LRRC69: variants seen among roughly 807,000 people sequenced by gnomAD.
LRRC69 encodes leucine-rich repeat-containing protein 69.
In LRRC69, 42 loss-of-function variants were observed where a neutral mutation model predicts 37.8. The ratio of observed to expected loss-of-function variants is 1.11; its 90% confidence interval spans 0.87 to 1.44. The LOEUF (loss-of-function observed/expected upper bound fraction) is 1.44, where lower values mean the gene tolerates loss of function less well. Among genes scored for constraint, LRRC69 ranks in the 40% most tolerant of loss-of-function variants. The probability of loss-of-function intolerance (pLI) is 0.00; values close to 1 mark genes in which losing one functional copy is unlikely to be tolerated. For synonymous variants in LRRC69, 141 were observed against 143.1 expected (o/e 0.99, Z 0.11); for missense variants, 357 against 401.9 (o/e 0.89, Z 0.96).
chr8:91,114,387 A>G (rs559270735), intron 1 of LRRC69, among the ~76,000 whole-genome samples: 1 of 152,130 alleles, frequency 6.6e-6, no homozygotes, highest in South Asian at 2.1e-4. Flanking sequence ...TAGCCAAGAT[A>G]TGGGAACAAC....
intron 6 of LRRC69, among the ~76,000 whole-genome samples, chr8:91,196,838 A>G (rs1809611108): frequency 6.6e-6 from 1 of 152,142 alleles, no homozygotes; most frequent in African/African-American, 2.4e-5. Flanking sequence ...GCCTTCTCTC[A>G]GCTTGTCAAA....
At chr8:91,146,700 A>G (rs546461853) in intron 5 of LRRC69, among the ~76,000 whole-genome samples, 2 of 151,842 alleles carry the variant, frequency 1.3e-5, no homozygotes, top group Non-Finnish European at 2.9e-5. Flanking sequence ...GTAGATATGG[A>G]TTTTACATAA....
chr8:91,139,137 T>C (rs1808478764), intron 5 of LRRC69: 1 of 151,950 alleles, frequency 6.6e-6, no homozygotes, highest in Admixed American at 6.6e-5. Context: ...CCTTACCTCT[T>C]TTTTCCTTTC....
At chr8:91,158,604 G>A in intron 5 of LRRC69, 1 of 1,416,098 alleles carries the variant, frequency 7.1e-7, no homozygotes, top group Non-Finnish European at 1.0e-6. Flanking sequence ...TGATGTCTTT[G>A]ACATTTTCCC....
intron 4 of LRRC69, among the ~76,000 whole-genome samples, chr8:91,135,041 C>G (rs1813885163): frequency 6.6e-6 from 1 of 151,984 alleles, no homozygotes; most frequent in Non-Finnish European, 1.5e-5. Context: ...TCGACAGCAA[C>G]GGAAGTAATG....
At chr8:91,189,007 T>C (rs1809448578) in intron 5 of LRRC69, among the ~76,000 whole-genome samples, 1 of 152,152 alleles carries the variant, frequency 6.6e-6, no homozygotes, top group South Asian at 2.1e-4. Flanking sequence ...GTATTTTTAG[T>C]AATATTTTCT....
intron 6 of LRRC69, 128 bp from the exon 7 acceptor site, chr8:91,200,485 C>G: frequency 3.3e-6 from 2 of 603,834 alleles, no homozygotes; most frequent in Non-Finnish European, 5.2e-6. Context: ...ATTAGATACA[C>G]TGCAGAATCT....
intron 7 of LRRC69, among the ~76,000 whole-genome samples, chr8:91,207,900 T>C (rs1454468063): frequency 6.6e-6 from 1 of 152,170 alleles, no homozygotes; most frequent in East Asian, 1.9e-4. Flanking sequence ...GGAATTGATT[T>C]ATTAACAATT....
chr8:91,129,737 TTCTTTTCAGCATCTTTC>T (rs973255445), intron 3 of LRRC69, among the ~76,000 whole-genome samples: 4 of 151,946 alleles, frequency 2.6e-5, no homozygotes, highest in African/African-American at 4.8e-5. Context: ...CTCAATTTCC[TTCTTTTCAGCATCTTTC>T]TCTCCATTGT....
At chr8:91,209,453 A>C (rs1227993526) in intron 7 of LRRC69, 1 of 152,062 alleles carries the variant, frequency 6.6e-6, no homozygotes, top group Non-Finnish European at 1.5e-5. Flanking sequence ...ATAAATAAAT[A>C]AATAAATAAA....
At chr8:91,106,992 G>A (rs916633114) in intron 1 of LRRC69, among the ~76,000 whole-genome samples, 2 of 151,266 alleles carry the variant, frequency 1.3e-5, no homozygotes, top group East Asian at 1.9e-4. Flanking sequence ...TTTGGAGACC[G>A]GGTCTCACTT....
chr8:91,197,147 G>T (rs1330026485), intron 6 of LRRC69, among the ~76,000 whole-genome samples: 1 of 152,136 alleles, frequency 6.6e-6, no homozygotes, highest in Admixed American at 6.5e-5. Context: ...TCCCAGTTAG[G>T]CTACTCGGGG....
intron 5 of LRRC69, among the ~76,000 whole-genome samples, chr8:91,179,732 T>C (rs1809292781): frequency 6.6e-6 from 1 of 152,172 alleles, no homozygotes; most frequent in Admixed American, 6.5e-5. Context: ...TATTGAAAAA[T>C]ATTTATTGAA....
At chr8:91,111,799 T>G (rs1586223498) in intron 1 of LRRC69, among the ~76,000 whole-genome samples, 1 of 151,814 alleles carries the variant, frequency 6.6e-6, no homozygotes, top group Admixed American at 6.6e-5. Context: ...GGTACCTGGG[T>G]GACGAAATAG....
intron 1 of LRRC69, among the ~76,000 whole-genome samples, chr8:91,120,732 C>T (rs1813603768): frequency 6.6e-6 from 1 of 152,072 alleles, no homozygotes; most frequent in East Asian, 1.9e-4. Context: ...ATGTGGTGTA[C>T]CAGATGCTTT....
At chr8:91,154,658 C>T (rs35082178) in intron 5 of LRRC69, among the ~76,000 whole-genome samples, 8,005 of 149,940 alleles carry the variant, frequency 0.053, 302 homozygotes, top group Middle Eastern at 0.16. Context: ...AGACAGTCTT[C>T]GATAAAATTC....
intron 7 of LRRC69, 67 bp from the exon 8 acceptor site, chr8:91,218,823 T>C (rs1810106189): frequency 3.0e-6 from 3 of 991,930 alleles, no homozygotes; most frequent in Non-Finnish European, 4.4e-6. Flanking sequence ...AGAAAGCAAA[T>C]ATTTATTTTA....
intron 5 of LRRC69, among the ~76,000 whole-genome samples, chr8:91,188,975 C>T (rs372249527): frequency 6.6e-6 from 1 of 151,958 alleles, no homozygotes; most frequent in African/African-American, 2.4e-5. Context: ...TGGGCATGTA[C>T]CACCACACCT....
intron 5 of LRRC69, among the ~76,000 whole-genome samples, chr8:91,169,321 T>A (rs1809084180): frequency 6.6e-6 from 1 of 151,860 alleles, no homozygotes; most frequent in Admixed American, 6.6e-5. Flanking sequence ...ATTACCTGGG[T>A]GATGAAATAA....
Sources: gnomAD v4.1 joint callset for allele counts (sites outside exome capture counted in the v4.1 genomes callset) on GRCh38, gnomAD v4.1.1 for gene constraint, MANE v1.5 for transcripts, NCBI Gene and HGNC (gene_info 2026-07-23, HGNC 2026-07-21) for gene names.